ZDHHC20: variants seen among roughly 807,000 people sequenced by gnomAD.
The protein encoded by ZDHHC20 is zDHHC palmitoyltransferase 20.
In ZDHHC20, 43 loss-of-function variants were observed where a neutral mutation model predicts 57.8. The ratio of observed to expected loss-of-function variants is 0.74; its 90% CI spans 0.58 to 0.96. The LOEUF is 0.96. ZDHHC20 is among the 40% of genes least tolerant of loss of function. The pLI is 0.00. For missense variants in ZDHHC20, 391 were observed against 441.1 expected (o/e 0.89, Z 1.02); for synonymous variants, 157 against 153.0 (o/e 1.03, Z -0.19).
chr13:21,402,749 A>C (rs1877879521), intron 5 of ZDHHC20, 48 bp downstream of exon 5: 1 of 1,474,418 alleles, frequency 6.8e-7, no homozygotes. Context: ...CTTTCCCATC[A>C]CTGATTTCCA....
chr13:21,377,229 A>C, intron 12 of ZDHHC20: 1 of 146,932 alleles, frequency 6.8e-6, no homozygotes, highest in Non-Finnish European at 1.4e-5. Flanking sequence ...AGTGCCTGCG[A>C]TCTGACTGCC....
At chr13:21,394,535 C>T (rs1315336930) in intron 7 of ZDHHC20, among the ~76,000 whole-genome samples, 1 of 152,060 alleles carries the variant, frequency 6.6e-6, no homozygotes, top group Admixed American at 6.6e-5. Flanking sequence ...GTACTACCTG[C>T]CATACAGTAA....
At chr13:21,385,950 A>G (rs930591135) in intron 9 of ZDHHC20, among the ~76,000 whole-genome samples, 1 of 152,208 alleles carries the variant, frequency 6.6e-6, no homozygotes, top group African/African-American at 2.4e-5. Context: ...AGATAATGGA[A>G]CATCTTTAAA....
chr13:21,413,616 A>G (rs1879526463), intron 4 of ZDHHC20, 36 bp downstream of exon 4: 1 of 1,559,742 alleles, frequency 6.4e-7, no homozygotes, highest in Non-Finnish European at 8.6e-7. Flanking sequence ...ATACTTTAAA[A>G]ATCATTTGAA....
At position 21,459,117 on chromosome 13, in the gene ZDHHC20, C is replaced by T. The variant is rs778797993; in HGVS notation, c.55G>A (p.Val19Met). Residue 19 changes from valine (V) to methionine (M), a missense_variant, in exon 1 of 13, where the codon GTG (valine) becomes ATG (methionine). Around this residue, in one of 3 missense-constraint regions of ZDHHC20, gnomAD observed 185 missense variants for 188.0 expected, o/e 0.98. Coordinates refer to ENST00000400590, the MANE Select transcript of ZDHHC20 (RefSeq NM_001330059.2). Reference protein sequence around the residue: ...CCQRVVGWVPVLFITFVVVWS... With the variant: ...CCQRVVGWVPMLFITFVVVWS... Reference sequence around the variant, plus strand: ...ACGACCACGAAGGTGATGAAGAGCACCGGCACCCAGCCCACGACGCGCTGG... The same window carrying T: ...ACGACCACGAAGGTGATGAAGAGCATCGGCACCCAGCCCACGACGCGCTGG... 1.2e-6 allele frequency: 2 copies of T among 1,607,786 alleles called. No individual in the cohort carries two copies. Among genetic ancestry groups the T allele is most frequent in the Admixed American group, 1.7e-5 (1 of 59,522 alleles).
intron 7 of ZDHHC20, among the ~76,000 whole-genome samples, chr13:21,393,708 A>G (rs1200363351): frequency 6.8e-6 from 1 of 147,544 alleles, no homozygotes. Context: ...ACAAAAAAAA[A>G]AAAAAAAAAA....
At chr13:21,412,655 C>T (rs1005288815) in intron 4 of ZDHHC20, among the ~76,000 whole-genome samples, 1 of 151,878 alleles carries the variant, frequency 6.6e-6, no homozygotes, top group Non-Finnish European at 1.5e-5. Context: ...CCTAGAAGAC[C>T]TACAATCAAG....
At position 21,453,980 on chromosome 13, in the gene ZDHHC20, T is replaced by C. The variant is rs144387166; in HGVS notation, c.118+5074A>G. Among the ~76,000 whole-genome samples the C allele has an allele frequency of 3.9e-5, 6 of 152,252 alleles. No homozygotes were observed. The South Asian group carries it at 8.3e-4, about 21-fold the overall frequency. ...TCCCGTCTCAGCCTCCTGAGTAGGC[T>C]GGACTTCAGACACAAGCCACCATGC... On this transcript the variant is annotated intron_variant, in intron 1 of 12. Coordinates refer to ENST00000400590, the MANE Select transcript of ZDHHC20 (RefSeq NM_001330059.2).
rs1041045532 is a variant in ZDHHC20, at chr13:21,375,464, T to C, written c.*1232A>G. 4 of 225,952 alleles carry C rather than the reference T, an allele frequency of 1.8e-5. No individual in the cohort carries two copies. The highest frequency in any genetic ancestry group is 3.5e-5 in the Non-Finnish European group (4 of 112,820). 14.0% of individuals were successfully genotyped at this position (225,952 alleles called of 1,614,324 possible). A position where few individuals can be genotyped will look rare whatever the true frequency, so the allele number is the denominator to read the frequency against. ...ATGCAACACCTCCTGTCGCTTAGAT[T>C]TTAAAAGGAAAAAGGAGAAATGTGT... On this transcript the variant is annotated 3_prime_UTR_variant, in exon 13 of 13. Coordinates refer to ENST00000400590, the MANE Select transcript of ZDHHC20 (RefSeq NM_001330059.2).
At chr13:21,384,457 CAA>C (rs11358320) in intron 9 of ZDHHC20, among the ~76,000 whole-genome samples, 912 of 76,126 alleles carry the variant, frequency 0.012, 5 homozygotes, top group African/African-American at 0.038. Context: ...ACTCTATCTC[CAA>C]AAAAAAAAAA....
intron 1 of ZDHHC20, among the ~76,000 whole-genome samples, 156 bp downstream of exon 1, chr13:21,458,898 G>A (rs867860797): frequency 1.3e-5 from 2 of 152,130 alleles, no homozygotes; most frequent in South Asian, 4.1e-4. Context: ...ACAAAGCGGC[G>A]GGTGCAGCAA....
intron 8 of ZDHHC20, 37 bp downstream of exon 8, chr13:21,391,685 T>C: frequency 6.4e-7 from 1 of 1,565,568 alleles, no homozygotes; most frequent in Non-Finnish European, 8.7e-7. Flanking sequence ...TTATGGTCAT[T>C]GTCCTAAGTA....
chr13:21,415,510 T>C (rs1039935788), intron 3 of ZDHHC20, among the ~76,000 whole-genome samples: 2 of 152,110 alleles, frequency 1.3e-5, no homozygotes, highest in Non-Finnish European at 2.9e-5. Flanking sequence ...CACATAATCT[T>C]AAAGATGAAA....
intron 2 of ZDHHC20, among the ~76,000 whole-genome samples, chr13:21,424,012 A>G (rs1027410906): frequency 6.6e-6 from 1 of 152,098 alleles, no homozygotes; most frequent in Non-Finnish European, 1.5e-5. Flanking sequence ...ATTTTAGAAT[A>G]TTTCCTTTCT....
chr13:21,390,070 C>T (rs1483928088), intron 8 of ZDHHC20: 1 of 152,090 alleles, frequency 6.6e-6, no homozygotes, highest in Non-Finnish European at 1.5e-5. Context: ...ACTGGAAGCC[C>T]ACCATAACTT....
At chr13:21,418,664 T>C (rs1304226591) in intron 3 of ZDHHC20, among the ~76,000 whole-genome samples, 2 of 152,114 alleles carry the variant, frequency 1.3e-5, no homozygotes, top group African/African-American at 4.8e-5. Context: ...CCAGAGTCTG[T>C]GTGGTACTGT....
At chr13:21,407,778 C>A (rs1238528498) in intron 4 of ZDHHC20, among the ~76,000 whole-genome samples, 2 of 152,180 alleles carry the variant, frequency 1.3e-5, no homozygotes, top group African/African-American at 4.8e-5. Context: ...TTTAATCCAT[C>A]TTGAGTTAAT....
At chr13:21,438,797 C>T (rs964718826) in intron 1 of ZDHHC20, among the ~76,000 whole-genome samples, 3 of 152,154 alleles carry the variant, frequency 2.0e-5, no homozygotes, top group Non-Finnish European at 4.4e-5. Flanking sequence ...ACAGATGCGG[C>T]AAACTTCGTT....
chr13:21,458,940 A>G, intron 1 of ZDHHC20, 114 bp downstream of exon 1: 1 of 732,102 alleles, frequency 1.4e-6, no homozygotes, highest in Non-Finnish European at 2.0e-6. Context: ...TCGGGGCCGG[A>G]CGCCCGGCGT....
Sources: allele counts gnomAD v4.1 joint callset (sites outside exome capture counted in the v4.1 genomes callset), GRCh38; gene constraint gnomAD v4.1.1; regional missense constraint gnomAD v4.1.1; transcripts MANE v1.5; gene names NCBI Gene and HGNC (gene_info 2026-07-23, HGNC 2026-07-21).